Variants in CNTNAP2 observed in about 807,000 individuals in gnomAD.
CNTNAP2 encodes contactin associated protein 2.
CNTNAP2 carries 98 observed loss-of-function variants against 155.2 expected under a neutral mutation model. That is an observed-to-expected ratio of 0.63 (90% confidence interval 0.54 to 0.75). CNTNAP2 has a LOEUF of 0.75. CNTNAP2 is among the 30% of genes least tolerant of loss of function. The probability of loss-of-function intolerance (pLI) is 0.00; values close to 1 mark genes in which losing one functional copy is unlikely to be tolerated. For missense variants in CNTNAP2, 1,727 were observed against 1,688.1 expected, an observed-to-expected ratio of 1.02 and a Z score of -0.40; for synonymous variants, 651 against 631.2, an observed-to-expected ratio of 1.03 and a Z score of -0.47.
intron 1 of CNTNAP2, among the ~76,000 whole-genome samples, chr7:146,325,665 A>T (rs749734942): frequency 6.6e-6 from 1 of 152,200 alleles, no homozygotes; most frequent in East Asian, 1.9e-4. Flanking sequence ...GGAGGTGAAC[A>T]TAGGCAGGAC....
intron 1 of CNTNAP2, among the ~76,000 whole-genome samples, chr7:146,533,035 G>A (rs942686643): frequency 6.7e-6 from 1 of 148,708 alleles, no homozygotes; most frequent in African/African-American, 2.5e-5. Context: ...CCGGGAGGCA[G>A]AGGTTGCAGT....
At chr7:146,310,933 C>T (rs1394812745) in intron 1 of CNTNAP2, among the ~76,000 whole-genome samples, 2 of 152,112 alleles carry the variant, frequency 1.3e-5, no homozygotes, top group African/African-American at 4.8e-5. Context: ...TAACAGTTAC[C>T]TCTATTGACT....
intron 22 of CNTNAP2, among the ~76,000 whole-genome samples, chr7:148,402,734 TAGC>T (rs1284335445): frequency 6.6e-6 from 1 of 152,156 alleles, no homozygotes; most frequent in African/African-American, 2.4e-5. Flanking sequence ...TTATAATTAA[TAGC>T]AGCAGTTTTG....
intron 1 of CNTNAP2, among the ~76,000 whole-genome samples, chr7:146,764,045 G>C (rs1802151769): frequency 6.6e-6 from 1 of 152,130 alleles, no homozygotes; most frequent in Non-Finnish European, 1.5e-5. Flanking sequence ...ATTGCTTATT[G>C]CTAAATGCTA....
intron 13 of CNTNAP2, among the ~76,000 whole-genome samples, chr7:147,861,742 G>A (rs569685077): frequency 1.2e-4 from 19 of 152,248 alleles, no homozygotes; most frequent in African/African-American, 4.3e-4. Context: ...ATTACCAAGT[G>A]TGGTGGCTCA....
intron 3 of CNTNAP2, among the ~76,000 whole-genome samples, chr7:146,856,297 G>GATAGATAGATACATACATAC (rs869052895): frequency 6.0e-5 from 7 of 116,704 alleles, no homozygotes; most frequent in African/African-American, 9.8e-5. Flanking sequence ...TAGATAGATA[G>GATAGATAGATACATACATAC]ATACATACAT....
intron 1 of CNTNAP2, among the ~76,000 whole-genome samples, chr7:146,694,013 A>T (rs1401433389): frequency 6.6e-6 from 1 of 151,954 alleles, no homozygotes; most frequent in Non-Finnish European, 1.5e-5. Context: ...ATTCCAGATT[A>T]AAAAAAATCA....
chr7:146,278,729 G>C (rs1189881591), intron 1 of CNTNAP2, among the ~76,000 whole-genome samples: 1 of 152,126 alleles, frequency 6.6e-6, no homozygotes, highest in Non-Finnish European at 1.5e-5. Flanking sequence ...ACCTTATTTT[G>C]TAGTGATGCA....
At chr7:146,488,512 G>C (rs1403296650) in intron 1 of CNTNAP2, among the ~76,000 whole-genome samples, 7 of 151,670 alleles carry the variant, frequency 4.6e-5, no homozygotes, top group South Asian at 2.1e-4. Context: ...TTAGGACTAC[G>C]CTACCACAAA....
At chr7:146,766,433 CA>C (rs1293600965) in intron 1 of CNTNAP2, among the ~76,000 whole-genome samples, 1 of 152,042 alleles carries the variant, frequency 6.6e-6, no homozygotes, top group Admixed American at 6.6e-5. Context: ...GTGGTGAGAA[CA>C]ATTTGACAAT....
chr7:148,003,541 A>G (rs1477975488), intron 15 of CNTNAP2, among the ~76,000 whole-genome samples: 2 of 152,220 alleles, frequency 1.3e-5, no homozygotes, highest in Admixed American at 1.3e-4. Context: ...AGAAGGGGTT[A>G]CCATTGAGAA....
At chr7:148,291,004 T>C (rs537332351) in intron 21 of CNTNAP2, among the ~76,000 whole-genome samples, 1 of 152,304 alleles carries the variant, frequency 6.6e-6, no homozygotes, top group African/African-American at 2.4e-5. Flanking sequence ...TTTGGCACCA[T>C]TTTAAGCTTC....
At position 146,314,410 on chromosome 7, in the gene CNTNAP2, G is replaced by A. The variant is rs114579574; in HGVS notation, c.97+197437G>A. ...CTGGAGAGGTCGGGGTGTTAGATGC[G>A]TGTTCCAGTTCTTTCTGTCTCTCTT... On this transcript the variant is annotated intron_variant, in intron 1 of 23. Transcript: ENST00000361727. Among the ~76,000 whole-genome samples, 521 of 152,224 alleles carry A rather than the reference G, an allele frequency of 3.4e-3. 2 individuals are homozygous for A. The highest frequency in any genetic ancestry group is 0.012 in the African/African-American group (493 of 41,518).
At chr7:147,195,342 A>G (rs1802767889) in intron 8 of CNTNAP2, among the ~76,000 whole-genome samples, 1 of 152,140 alleles carries the variant, frequency 6.6e-6, no homozygotes. Context: ...GATAGTTTGA[A>G]GTTAGGTAGC....
intron 15 of CNTNAP2, among the ~76,000 whole-genome samples, chr7:148,114,758 C>T (rs1276478988): frequency 1.3e-5 from 2 of 152,138 alleles, no homozygotes; most frequent in African/African-American, 4.8e-5. Flanking sequence ...CTTACAAATC[C>T]CATCCATGTG....
At chr7:146,357,724 G>A (rs1208352591) in intron 1 of CNTNAP2, among the ~76,000 whole-genome samples, 4 of 151,966 alleles carry the variant, frequency 2.6e-5, no homozygotes, top group Non-Finnish European at 5.9e-5. Flanking sequence ...TTATAGGTAA[G>A]ATACACTGTT....
rs73738757 is a variant in CNTNAP2, at chr7:146,406,413, T to C, written c.97+289440T>C. ...GTGAACTGCTTCTCTTCAGACATGGTTGAGGATTTTTGAACATGATGCAAT... is the reference window on the plus strand; with the variant it reads ...GTGAACTGCTTCTCTTCAGACATGGCTGAGGATTTTTGAACATGATGCAAT... On this transcript the variant is annotated intron_variant, in intron 1 of 23. Transcript: ENST00000361727. Among the ~76,000 whole-genome samples the C allele has an allele frequency of 6.9e-3, 1,056 of 152,318 alleles. 11 individuals are homozygous for C. Among genetic ancestry groups the C allele is most frequent in the African/African-American group, 0.024 (982 of 41,578 alleles).
At chr7:147,422,662 T>C (rs1239460389) in intron 10 of CNTNAP2, among the ~76,000 whole-genome samples, 3 of 152,140 alleles carry the variant, frequency 2.0e-5, no homozygotes, top group Non-Finnish European at 4.4e-5. Flanking sequence ...CAGAAAATAG[T>C]CACAGATAAT....
chr7:147,134,044 C>T (rs1801430201), intron 8 of CNTNAP2, among the ~76,000 whole-genome samples: 1 of 151,960 alleles, frequency 6.6e-6, no homozygotes, highest in Non-Finnish European at 1.5e-5. Flanking sequence ...AAAACTCCCA[C>T]ATTATATTGT....
Sources: allele counts gnomAD v4.1 joint callset (sites outside exome capture counted in the v4.1 genomes callset), GRCh38; gene constraint gnomAD v4.1.1; transcripts MANE v1.5; gene names NCBI Gene and HGNC (gene_info 2026-07-23, HGNC 2026-07-21).